The following CFAP44 variants were observed in gnomAD, a reference collection of about 807,000 sequenced individuals.
CFAP44 encodes the protein cilia and flagella associated protein 44.
A neutral mutation model predicts 216.2 loss-of-function variants in CFAP44; 134 were observed. The ratio of observed to expected loss-of-function variants is 0.62; its 90% CI spans 0.54 to 0.72. CFAP44 has a LOEUF of 0.72. Ranked by LOEUF, CFAP44 falls within the 30% of genes least tolerant of loss-of-function variation. The probability of loss-of-function intolerance (pLI) is 0.00; values close to 1 mark genes in which losing one functional copy is unlikely to be tolerated. For synonymous variants in CFAP44, 700 were observed against 727.6 expected (o/e 0.96, Z 0.61); for missense variants, 2,035 against 2,182.1 (o/e 0.93, Z 1.34).
intron 5 of CFAP44, 84 bp downstream of exon 5, chr3:113,419,933 T>A (rs1413810136): frequency 1.4e-6 from 2 of 1,428,100 alleles, no homozygotes; most frequent in Non-Finnish European, 1.9e-6. Flanking sequence ...GGTGTTGGCA[T>A]CTAACAACCA....
rs113495736 is a variant in CFAP44, at chr3:113,374,861, C to G, written c.2299-1305G>C. On this transcript the variant is annotated intron_variant, in intron 17 of 34. Coordinates refer to ENST00000393845, the MANE Select transcript of CFAP44 (RefSeq NM_001164496.2). Reference sequence around the variant, plus strand: ...ATGTTGGCCAGGCTGGTCTGGAACTCCTGGCCTCAAGTGATCCACCCGCCT... The same window carrying G: ...ATGTTGGCCAGGCTGGTCTGGAACTGCTGGCCTCAAGTGATCCACCCGCCT... Among the ~76,000 whole-genome samples the G allele has an allele frequency of 4.3e-3, 656 of 152,324 alleles. 5 individuals are homozygous for G. The highest frequency in any genetic ancestry group is 0.015 in the African/African-American group (628 of 41,568).
chr3:113,294,390 A>G, intron 34 of CFAP44: 1 of 361,770 alleles, frequency 2.8e-6, no homozygotes, highest in South Asian at 3.3e-5. Context: ...CAGGGCGTAT[A>G]ATGGTGTCGT....
Position 113,403,739 on chromosome 3 carries a change from G to A in CFAP44, c.1170+113C>T, listed in dbSNP as rs565276460. The stretch of plus-strand genomic sequence containing the variant: ...TATTTAAAGTGAGTTGGCCTTGGGA[G>A]TAAATGACTACTGATCTCCTTCACA... On this transcript the variant is annotated intron_variant, in intron 9 of 34. Transcript: ENST00000393845. 3.2e-5 allele frequency: 38 copies of A among 1,196,612 alleles called. No homozygotes were observed. In the South Asian group the frequency reaches 6.5e-4, roughly 20 times the overall value. The allele number at this position is 1,196,612 out of a possible 1,614,324, so 74.1% of individuals were successfully genotyped here.
In CFAP44 at chr3:113,391,113, C is replaced by A. The variant is rs546785753; in HGVS notation, c.1890+4637G>T. Among the ~76,000 whole-genome samples, 8 of 152,130 alleles carry A rather than the reference C, an allele frequency of 5.3e-5. No homozygotes were observed. In the South Asian group the frequency reaches 1.7e-3, roughly 32 times the overall value. On this transcript the variant is annotated intron_variant, in intron 15 of 34. Coordinates refer to ENST00000393845, the MANE Select transcript of CFAP44 (RefSeq NM_001164496.2). ...AGTTATACTACAGAGATACAGGAAC[C>A]AAAACAGCATGGTACTGACATAAAA...
Position 113,288,089 on chromosome 3 carries a change from A to G in CFAP44, c.*3468T>C, listed in dbSNP as rs1576529090. 1 of 151,886 alleles carries G rather than the reference A, an allele frequency of 6.6e-6. No individual in the cohort carries two copies. Among genetic ancestry groups the G allele is most frequent in the South Asian group, 2.1e-4 (1 of 4,804 alleles). The allele number at this position is 151,886 out of a possible 1,614,324, so 9.4% of individuals were successfully genotyped here. ...TTTTGGGGCTGGAGAGGGTGGGGGG[A>G]GCCTGTATTTTCTAGATTTCTGTAA... On this transcript the variant is annotated 3_prime_UTR_variant, in exon 35 of 35. Coordinates refer to ENST00000393845, the MANE Select transcript of CFAP44 (RefSeq NM_001164496.2).
chr3:113,403,616 G>A (rs1934198549), intron 9 of CFAP44, among the ~76,000 whole-genome samples: 1 of 152,166 alleles, frequency 6.6e-6, no homozygotes, highest in African/African-American at 2.4e-5. Flanking sequence ...TATTTCAACA[G>A]AATCAGAATA....
Position 113,401,232 on chromosome 3 carries a change from C to A in CFAP44, c.1374+8G>T. ...GTTAGGAGAAAATAAGAATAATAGG[C>A]AACTTACAATATTTGAAAAACTAAG... is the stretch of plus-strand genomic sequence containing the variant. On this transcript the variant is annotated splice_region_variant and intron_variant, in intron 11 of 34. Coordinates refer to ENST00000393845, the MANE Select transcript of CFAP44 (RefSeq NM_001164496.2). 6.3e-7 allele frequency: 1 copy of A among 1,578,886 alleles called. No homozygotes were observed. The highest frequency in any genetic ancestry group is 8.6e-7 in the Non-Finnish European group (1 of 1,167,508).
At chr3:113,421,908 G>A (rs1451536166) in intron 4 of CFAP44, among the ~76,000 whole-genome samples, 1 of 151,988 alleles carries the variant, frequency 6.6e-6, no homozygotes, top group East Asian at 1.9e-4. Flanking sequence ...TGGGTGATGA[G>A]ATCAACAGAA....
At chr3:113,430,429 G>GAAAAAAAAAAAAAAAAAAAAAAAAA (rs754983161) in intron 2 of CFAP44, among the ~76,000 whole-genome samples, 2 of 74,204 alleles carry the variant, frequency 2.7e-5, no homozygotes, top group Admixed American at 1.6e-4. Context: ...AAAAATAAAT[G>GAAAAAAAAAAAAAAAAAAAAAAAAA]AAAAAAAAAA....
intron 23 of CFAP44, among the ~76,000 whole-genome samples, chr3:113,342,539 T>C (rs1950342778): frequency 6.6e-6 from 1 of 152,058 alleles, no homozygotes. Flanking sequence ...CACTAACATG[T>C]TGGGAAAGAG....
At chr3:113,415,929 G>C (rs950662909) in intron 6 of CFAP44, among the ~76,000 whole-genome samples, 3 of 152,078 alleles carry the variant, frequency 2.0e-5, no homozygotes, top group Non-Finnish European at 4.4e-5. Flanking sequence ...TTAATTTTCT[G>C]TCTCATTGAT....
intron 29 of CFAP44, 90 bp from the exon 30 acceptor site, chr3:113,306,421 A>C (rs2107793842): frequency 1.1e-5 from 16 of 1,464,360 alleles, no homozygotes; most frequent in Non-Finnish European, 1.5e-5. Context: ...CAGAATCAAT[A>C]ATGTCTATTT....
chr3:113,390,895 T>G (rs1021655395), intron 15 of CFAP44, among the ~76,000 whole-genome samples: 2 of 152,128 alleles, frequency 1.3e-5, no homozygotes, highest in African/African-American at 4.8e-5. Context: ...GAAGAATCAA[T>G]ATTGTTAAAA....
intron 26 of CFAP44, 67 bp from the exon 27 acceptor site, chr3:113,327,886 C>T: frequency 7.1e-7 from 1 of 1,412,100 alleles, no homozygotes; most frequent in Non-Finnish European, 9.5e-7. Context: ...AACTATCTAA[C>T]AGTACTAATT....
intron 22 of CFAP44, among the ~76,000 whole-genome samples, chr3:113,354,307 A>C (rs1950474792): frequency 6.6e-6 from 1 of 152,198 alleles, no homozygotes; most frequent in Non-Finnish European, 1.5e-5. Context: ...GACCCTTTGA[A>C]GGAACTGGAT....
At chr3:113,346,309 G>A (rs577401172) in intron 22 of CFAP44, among the ~76,000 whole-genome samples, 64 of 149,900 alleles carry the variant, frequency 4.3e-4, no homozygotes, top group Admixed American at 2.0e-3. Context: ...ACCAATCAGC[G>A]CTCTGTGTCT....
intron 28 of CFAP44, among the ~76,000 whole-genome samples, chr3:113,315,301 G>T (rs553284246): frequency 6.6e-6 from 1 of 152,114 alleles, no homozygotes; most frequent in East Asian, 1.9e-4. Context: ...CAGACAAATA[G>T]ACTTTAGAGC....
At chr3:113,369,186 T>C (rs1027180583) in intron 18 of CFAP44, among the ~76,000 whole-genome samples, 1 of 152,048 alleles carries the variant, frequency 6.6e-6, no homozygotes, top group Non-Finnish European at 1.5e-5. Flanking sequence ...AGACAGAAGG[T>C]TAACAACGAT....
At chr3:113,404,171 A>C in intron 8 of CFAP44, 155 bp from the exon 9 acceptor site, 1 of 801,794 alleles carries the variant, frequency 1.2e-6, no homozygotes, top group South Asian at 2.2e-5. Context: ...ATGAAGACCT[A>C]CTACCCCAGA....
Sources: allele counts gnomAD v4.1 joint callset (sites outside exome capture counted in the v4.1 genomes callset), GRCh38; gene constraint gnomAD v4.1.1; transcripts MANE v1.5; gene names NCBI Gene and HGNC (gene_info 2026-07-23, HGNC 2026-07-21).